GRB14: variants seen among roughly 807,000 people sequenced by gnomAD.
GRB14 encodes the protein growth factor receptor-bound protein 14.
A neutral mutation model predicts 69.1 loss-of-function variants in GRB14; 38 were observed. That is an observed-to-expected ratio of 0.55 (90% confidence interval 0.42 to 0.72). The LOEUF is 0.72. Among genes scored for constraint, GRB14 ranks in the 30% least tolerant of loss-of-function variants. The pLI is 0.00. For missense variants in GRB14, 666 were observed against 666.1 expected, an observed-to-expected ratio of 1.00 and a Z score of 0.00; for synonymous variants, 247 against 241.3, an observed-to-expected ratio of 1.02 and a Z score of -0.22.
chr2:164,592,401 T>C (rs1689686874), intron 2 of GRB14, among the ~76,000 whole-genome samples: 1 of 152,212 alleles, frequency 6.6e-6, no homozygotes, highest in Admixed American at 6.5e-5. Flanking sequence ...CCCAAAGTGC[T>C]GGGATTACAG....
chr2:164,596,010 G>A (rs192113465), intron 2 of GRB14, among the ~76,000 whole-genome samples: 197 of 152,252 alleles, frequency 1.3e-3, no homozygotes, highest in Non-Finnish European at 2.4e-3. Flanking sequence ...TGTAGTCCCA[G>A]CCACTCGGAA....
At chr2:164,520,416 A>T (rs987510698) in intron 6 of GRB14, among the ~76,000 whole-genome samples, 1 of 152,112 alleles carries the variant, frequency 6.6e-6, no homozygotes, top group Non-Finnish European at 1.5e-5. Context: ...AGAAGATAAC[A>T]TCAGAAAAAC....
intron 12 of GRB14, among the ~76,000 whole-genome samples, chr2:164,495,807 C>T (rs1686878140): frequency 6.6e-6 from 1 of 152,236 alleles, no homozygotes; most frequent in South Asian, 2.1e-4. Flanking sequence ...TAGATCACCA[C>T]TACCACCTAG....
intron 2 of GRB14, among the ~76,000 whole-genome samples, chr2:164,582,168 T>G (rs1443743949): frequency 6.6e-6 from 1 of 152,156 alleles, no homozygotes; most frequent in African/African-American, 2.4e-5. Flanking sequence ...ACTCAAAAAG[T>G]CTAAGCCAAA....
chr2:164,550,387 A>G (rs992544416), intron 2 of GRB14, among the ~76,000 whole-genome samples: 22 of 152,240 alleles, frequency 1.4e-4, no homozygotes, highest in Non-Finnish European at 2.8e-4. Context: ...ATAAACTTCT[A>G]TTCTGTTAAC....
Position 164,568,127 on chromosome 2 carries a change from G to A in GRB14, c.325-20311C>T, listed in dbSNP as rs574187490. Among the ~76,000 whole-genome samples, 9 of 152,238 alleles carry A rather than the reference G, an allele frequency of 5.9e-5. No individual in the cohort carries two copies. The East Asian group carries it at 1.7e-3, about 29-fold the overall frequency. The stretch of plus-strand genomic sequence containing the variant: ...AGTTTTTAACTATAGCGATGTCCTA[G>A]CGCAGTATTATTTTTCCTAGTTCAA... On this transcript the variant is annotated intron_variant, in intron 2 of 13. Transcript: ENST00000263915.
At chr2:164,497,889 G>A (rs910419643) in intron 9 of GRB14, among the ~76,000 whole-genome samples, 2 of 152,108 alleles carry the variant, frequency 1.3e-5, no homozygotes, top group African/African-American at 4.8e-5. Flanking sequence ...CTGAATTGAT[G>A]TCTCCATTAA....
intron 2 of GRB14, among the ~76,000 whole-genome samples, chr2:164,613,014 T>TG (rs1187243976): frequency 2.0e-5 from 3 of 152,168 alleles, no homozygotes; most frequent in African/African-American, 7.2e-5. Flanking sequence ...GAACCTGAGT[T>TG]GGTAATTCCT....
chr2:164,532,621 A>G (rs1292174191), intron 3 of GRB14, among the ~76,000 whole-genome samples: 1 of 152,210 alleles, frequency 6.6e-6, no homozygotes, highest in Non-Finnish European at 1.5e-5. Context: ...AGGGAAGCAG[A>G]GGTTCAAGTG....
chr2:164,563,831 C>G (rs1358854792), intron 2 of GRB14, among the ~76,000 whole-genome samples: 1 of 152,082 alleles, frequency 6.6e-6, no homozygotes, highest in Non-Finnish European at 1.5e-5. Context: ...ATACTAAGAT[C>G]TAGTTGTAAG....
chr2:164,528,869 A>G (rs1035153045), intron 3 of GRB14, among the ~76,000 whole-genome samples: 4 of 152,292 alleles, frequency 2.6e-5, no homozygotes, highest in Non-Finnish European at 5.9e-5. Context: ...AATATTACAC[A>G]TAAAATTACC....
chr2:164,514,813 G>C (rs1687436286), intron 6 of GRB14, among the ~76,000 whole-genome samples: 1 of 152,152 alleles, frequency 6.6e-6, no homozygotes, highest in African/African-American at 2.4e-5. Flanking sequence ...GGTTGCCTGA[G>C]GCAAGTTCTC....
chr2:164,612,196 T>C (rs190792087), intron 2 of GRB14, among the ~76,000 whole-genome samples: 2 of 152,296 alleles, frequency 1.3e-5, no homozygotes, highest in African/African-American at 2.4e-5. Context: ...TTTGGAGCCA[T>C]TATGGATTTT....
At chr2:164,528,894 T>G (rs995705775) in intron 3 of GRB14, among the ~76,000 whole-genome samples, 11 of 152,106 alleles carry the variant, frequency 7.2e-5, no homozygotes, top group African/African-American at 2.7e-4. Context: ...GATCAGCAAT[T>G]TCACTTCTGG....
At chr2:164,604,982 A>T (rs1468450131) in intron 2 of GRB14, among the ~76,000 whole-genome samples, 1 of 152,222 alleles carries the variant, frequency 6.6e-6, no homozygotes, top group Non-Finnish European at 1.5e-5. Flanking sequence ...ATGTCAGTAA[A>T]TTGTAAATGC....
At chr2:164,605,346 C>G (rs959486430) in intron 2 of GRB14, among the ~76,000 whole-genome samples, 1 of 152,062 alleles carries the variant, frequency 6.6e-6, no homozygotes, top group African/African-American at 2.4e-5. Flanking sequence ...AGAGAAGAAG[C>G]AAGTTTAAGA....
intron 3 of GRB14, among the ~76,000 whole-genome samples, chr2:164,529,962 G>T (rs966329734): frequency 6.6e-6 from 1 of 152,168 alleles, no homozygotes; most frequent in African/African-American, 2.4e-5. Context: ...TAAAAATTTT[G>T]TAGTGGAGAA....
At chr2:164,599,362 C>T (rs868839857) in intron 2 of GRB14, among the ~76,000 whole-genome samples, 9 of 152,282 alleles carry the variant, frequency 5.9e-5, no homozygotes, top group Middle Eastern at 6.8e-3. Flanking sequence ...GATTTCCTCT[C>T]TCAATGAGAA....
At chr2:164,615,936 AT>A (rs1391027222) in intron 2 of GRB14, among the ~76,000 whole-genome samples, 1 of 152,216 alleles carries the variant, frequency 6.6e-6, no homozygotes, top group Non-Finnish European at 1.5e-5. Context: ...CTAACAGATG[AT>A]TTCCTTATAA....
Sources: allele counts gnomAD v4.1 joint callset (sites outside exome capture counted in the v4.1 genomes callset), GRCh38; gene constraint gnomAD v4.1.1; transcripts MANE v1.5; gene names NCBI Gene and HGNC (gene_info 2026-07-23, HGNC 2026-07-21).